Variants in CASZ1 observed in about 807,000 individuals in gnomAD.
CASZ1 encodes zinc finger protein castor homolog 1.
Under a neutral mutation model 135.2 loss-of-function variants are expected in CASZ1, and 28 were observed. That is an observed-to-expected ratio of 0.21 (90% confidence interval 0.15 to 0.28). CASZ1 has a LOEUF of 0.28. CASZ1 is among the 10% of genes least tolerant of loss of function. The pLI is 1.00. For synonymous variants in CASZ1, 1,068 were observed against 1,073.4 expected (o/e 0.99, Z 0.10); for missense variants, 2,161 against 2,453.3 (o/e 0.88, Z 2.52).
rs549031359 is a variant in CASZ1 at position 10,735,536 on chromosome 1, G to A, written c.-77+25165C>T. Among the ~76,000 whole-genome samples, 12 of 152,268 alleles carry A rather than the reference G, an allele frequency of 7.9e-5. No homozygotes were observed. The South Asian group carries it at 2.5e-3, about 32-fold the overall frequency. On this transcript the variant is annotated intron_variant, in intron 2 of 20. Coordinates refer to ENST00000377022, the MANE Select transcript of CASZ1 (RefSeq NM_001079843.3). The surrounding 1 kb of genome is among the most constrained non-coding windows in gnomAD (Gnocchi z 5.1). ...CAAAGTTTGGATCAAACTTTGCCTG[G>A]GGGAGGGGGTGTGCTGCAGGAAGGA...
rs899368025 is a variant in CASZ1 at position 10,717,816 on chromosome 1, C to T, written c.-76-12272G>A. Among the ~76,000 whole-genome samples the T allele has an allele frequency of 2.0e-5, 3 of 152,190 alleles. No homozygotes were observed. The highest frequency in any genetic ancestry group is 4.4e-5 in the Non-Finnish European group (3 of 68,026). Reference sequence around the variant, plus strand: ...AGCTATGAATAGAGACGTCCTGCACCGGAGGACGTCCTCATAAACAGAACA... The same window carrying T: ...AGCTATGAATAGAGACGTCCTGCACTGGAGGACGTCCTCATAAACAGAACA... On this transcript the variant is annotated intron_variant, in intron 2 of 20. Transcript: ENST00000377022. The surrounding 1 kb of genome is among the most constrained non-coding windows in gnomAD (Gnocchi z 4.6).
rs1639932782 is a variant in CASZ1, at chr1:10,741,983, C to T, written c.-77+18718G>A. Among the ~76,000 whole-genome samples the T allele has an allele frequency of 6.6e-6, 1 of 152,098 alleles. No individual in the cohort carries two copies. Among genetic ancestry groups the T allele is most frequent in the Non-Finnish European group, 1.5e-5 (1 of 68,022 alleles). ...GCGCCGAGACACGGACCCCTCACCG[C>T]TTCTCACGTGCCCCCAGCCGCAACC... On this transcript the variant is annotated intron_variant, in intron 2 of 20. Coordinates refer to ENST00000377022, the MANE Select transcript of CASZ1 (RefSeq NM_001079843.3). The surrounding 1 kb of genome is among the most constrained non-coding windows in gnomAD (Gnocchi z 5.0).
intron 2 of CASZ1, among the ~76,000 whole-genome samples, chr1:10,731,353 C>T (rs941893296): frequency 2.0e-5 from 3 of 152,046 alleles, no homozygotes; most frequent in African/African-American, 7.2e-5. Context: ...GAGGCCGAAG[C>T]AGGAGGATCA....
At chr1:10,650,831 C>T in intron 12 of CASZ1, 76 bp from the exon 13 acceptor site, 2 of 1,599,090 alleles carry the variant, frequency 1.3e-6, no homozygotes, top group Non-Finnish European at 1.7e-6. Flanking sequence ...CCCTGCCCGA[C>T]CCTGGGGCTC....
At chr1:10,642,524 G>T (rs1276456271) in intron 20 of CASZ1, among the ~76,000 whole-genome samples, 1 of 152,028 alleles carries the variant, frequency 6.6e-6, no homozygotes, top group Admixed American at 6.5e-5. Context: ...GGGTCACGTG[G>T]GCAGGTGTGC....
intron 4 of CASZ1, among the ~76,000 whole-genome samples, chr1:10,673,465 GCA>G (rs558005649): frequency 1.3e-5 from 2 of 151,890 alleles, no homozygotes; most frequent in African/African-American, 4.8e-5. Flanking sequence ...GCGCGTGCAC[GCA>G]CACACACTCT....
At chr1:10,773,047 A>G (rs1640603046) in intron 1 of CASZ1, among the ~76,000 whole-genome samples, 1 of 152,108 alleles carries the variant, frequency 6.6e-6, no homozygotes. Context: ...GGAGGAAGGA[A>G]GGACCACAGA....
chr1:10,680,909 C>CT (rs1216704557), intron 4 of CASZ1, among the ~76,000 whole-genome samples: 1 of 151,612 alleles, frequency 6.6e-6, no homozygotes, highest in African/African-American at 2.4e-5. Context: ...TTCTTTCTTT[C>CT]TTTTTTTTGG....
chr1:10,745,362 C>T (rs1007685205), intron 2 of CASZ1, among the ~76,000 whole-genome samples: 5 of 151,010 alleles, frequency 3.3e-5, no homozygotes, highest in Non-Finnish European at 7.4e-5. Context: ...CAGTGTGTTC[C>T]CCAACTGCGA....
At chr1:10,704,733 C>A (rs1441288350) in intron 3 of CASZ1, among the ~76,000 whole-genome samples, 1 of 152,232 alleles carries the variant, frequency 6.6e-6, no homozygotes, top group Non-Finnish European at 1.5e-5. Context: ...CCAGCCAGCT[C>A]GCCCGCCGGG....
chr1:10,751,283 T>C (rs904302379), intron 2 of CASZ1, among the ~76,000 whole-genome samples: 1 of 152,084 alleles, frequency 6.6e-6, no homozygotes, highest in Non-Finnish European at 1.5e-5. Flanking sequence ...GGCCAGGTTT[T>C]GTGAGCTCAA....
At chr1:10,645,151 G>A (rs982119367) in intron 17 of CASZ1, 63 bp from the exon 18 acceptor site, 19 of 1,486,658 alleles carry the variant, frequency 1.3e-5, no homozygotes, top group Middle Eastern at 1.9e-4. Flanking sequence ...TGCCTGCCCC[G>A]GGCCTGAGGC....
rs956100297 is a variant in CASZ1 at position 10,646,724 on chromosome 1, C to T, written c.3498-398G>A. Reference sequence around the variant, plus strand: ...CCTGGCTGGCGTGGCATGGGCGCCACCGTGGATGTGGCTGACAGACTGCAG... The same window carrying T: ...CCTGGCTGGCGTGGCATGGGCGCCATCGTGGATGTGGCTGACAGACTGCAG... On this transcript the variant is annotated intron_variant, in intron 16 of 20. Coordinates refer to ENST00000377022, the MANE Select transcript of CASZ1 (RefSeq NM_001079843.3). The surrounding 1 kb of genome is among the most constrained non-coding windows in gnomAD (Gnocchi z 6.4). Among the ~76,000 whole-genome samples the T allele has an allele frequency of 2.0e-5, 3 of 152,254 alleles. No homozygotes were observed. The highest frequency in any genetic ancestry group is 7.2e-5 in the African/African-American group (3 of 41,462).
At position 10,653,488 on chromosome 1, in the gene CASZ1, C is replaced by T; in HGVS notation, c.2569G>A (p.Ala857Thr). 6.2e-7 allele frequency: 1 copy of T among 1,612,568 alleles called. No homozygotes were observed. The highest frequency in any genetic ancestry group is 8.5e-7 in the Non-Finnish European group (1 of 1,179,586). Residue 857 changes from alanine (A) to threonine (T), a missense_variant, in exon 11 of 21, where the codon GCA becomes ACA. Physicochemically the swap from Ala to Thr is moderately conservative, Grantham distance 58. Around this residue, in one of 7 missense-constraint regions of CASZ1, gnomAD observed 406 missense variants for 387.6 expected, o/e 1.05. Coordinates refer to ENST00000377022, the MANE Select transcript of CASZ1 (RefSeq NM_001079843.3). Reference sequence around the variant, plus strand: ...CTCTCCATGATGGAGGCGGGTGGTGCCGGGACAGAGGCGGCAGCCACGGGG... The same window carrying T: ...CTCTCCATGATGGAGGCGGGTGGTGTCGGGACAGAGGCGGCAGCCACGGGG... ...SAPVAAASVP[A>T]PPASIMERIS...
chr1:10,787,296 C>T (rs1395203984), intron 1 of CASZ1, among the ~76,000 whole-genome samples: 1 of 152,192 alleles, frequency 6.6e-6, no homozygotes, highest in Non-Finnish European at 1.5e-5. Context: ...GTGTGGGGCT[C>T]GCAGAAGGGT....
chr1:10,667,002 G>A (rs1191612937), intron 4 of CASZ1, among the ~76,000 whole-genome samples: 2 of 152,208 alleles, frequency 1.3e-5, no homozygotes, highest in Non-Finnish European at 2.9e-5. Flanking sequence ...GGGCGTGTCA[G>A]AGTCTCCACA....
intron 2 of CASZ1, among the ~76,000 whole-genome samples, chr1:10,708,597 C>A (rs1639222006): frequency 6.6e-6 from 1 of 152,306 alleles, no homozygotes; most frequent in South Asian, 2.1e-4. Flanking sequence ...ATCCCTGGGG[C>A]CTGCTGTGAG....
chr1:10,743,611 T>C (rs1049950172), intron 2 of CASZ1, among the ~76,000 whole-genome samples: 3 of 149,638 alleles, frequency 2.0e-5, no homozygotes, highest in African/African-American at 5.0e-5. Context: ...TGCCTTTTTT[T>C]TTTTCTATAA....
At position 10,645,446 on chromosome 1, in the gene CASZ1, C is replaced by T. The variant is rs569154442; in HGVS notation, c.3697-358G>A. Among the ~76,000 whole-genome samples the T allele has an allele frequency of 3.3e-5, 5 of 152,276 alleles. No homozygotes were observed. The East Asian group carries it at 7.7e-4, about 24-fold the overall frequency. ...TCGGGAGGTTGAGGCAGGAGAATGGCGTGAACCCGGGAGGCAGAGCTTGCA... is the reference window on the plus strand; with the variant it reads ...TCGGGAGGTTGAGGCAGGAGAATGGTGTGAACCCGGGAGGCAGAGCTTGCA... On this transcript the variant is annotated intron_variant, in intron 17 of 20. Coordinates refer to ENST00000377022, the MANE Select transcript of CASZ1 (RefSeq NM_001079843.3).
Sources: allele counts gnomAD v4.1 joint callset (sites outside exome capture counted in the v4.1 genomes callset), GRCh38; gene constraint gnomAD v4.1.1; regional missense constraint gnomAD v4.1.1; non-coding constraint Gnocchi (gnomAD v3.1); transcripts MANE v1.5; gene names NCBI Gene and HGNC (gene_info 2026-07-23, HGNC 2026-07-21).